GUCY1A2: variants seen among roughly 807,000 people sequenced by gnomAD.
GUCY1A2 encodes the protein guanylate cyclase 1 soluble subunit alpha 2, also known as guanylate cyclase soluble subunit alpha-2.
Under a neutral mutation model 63.5 loss-of-function variants are expected in GUCY1A2, and 27 were observed. The observed-to-expected ratio is 0.43, with a 90% CI of 0.31 to 0.59. The LOEUF is 0.59. Ranked by LOEUF, GUCY1A2 falls within the 20% of genes least tolerant of loss-of-function variation. GUCY1A2 has a pLI of 0.11. For missense variants in GUCY1A2, 768 were observed against 913.3 expected, an observed-to-expected ratio of 0.84 and a Z score of 2.05; for synonymous variants, 364 against 343.5, an observed-to-expected ratio of 1.06 and a Z score of -0.66.
intron 1 of GUCY1A2, among the ~76,000 whole-genome samples, chr11:107,004,195 A>G (rs1174831640): frequency 6.6e-6 from 1 of 152,224 alleles, no homozygotes; most frequent in Non-Finnish European, 1.5e-5. Flanking sequence ...GACGTCCACC[A>G]CATTCACCAA....
chr11:106,986,006 A>G (rs1388395386), intron 2 of GUCY1A2, 64 bp downstream of exon 2: 2 of 851,772 alleles, frequency 2.3e-6, no homozygotes, highest in Non-Finnish European at 2.0e-6. Flanking sequence ...CATACTCAAC[A>G]GCTATGTTTG....
Position 106,684,782 on chromosome 11 carries a change from C to T in GUCY1A2, c.*2767G>A, listed in dbSNP as rs941433094. ...TTCTAAGGGAACATCACACAAATTT[C>T]TTGTATCTGCCATACTAAAATGCAT... is the stretch of plus-strand genomic sequence containing the variant. On this transcript the variant is annotated 3_prime_UTR_variant, in exon 8 of 8. Coordinates refer to ENST00000526355, the MANE Select transcript of GUCY1A2 (RefSeq NM_000855.3). The T allele has an allele frequency of 4.8e-6, 1 of 208,380 alleles. No homozygotes were observed. Among genetic ancestry groups the T allele is most frequent in the African/African-American group, 2.3e-5 (1 of 43,944 alleles). 12.9% of individuals were successfully genotyped at this position (208,380 alleles called of 1,614,324 possible). A position where few individuals can be genotyped will look rare whatever the true frequency, so the allele number is the denominator to read the frequency against.
chr11:106,915,355 G>A (rs558029697), intron 4 of GUCY1A2, among the ~76,000 whole-genome samples: 41 of 152,146 alleles, frequency 2.7e-4, no homozygotes, highest in African/African-American at 9.2e-4. Flanking sequence ...GGGAGGGATT[G>A]GGCATACTCT....
intron 4 of GUCY1A2, among the ~76,000 whole-genome samples, chr11:106,921,288 T>A (rs1411517143): frequency 6.6e-6 from 1 of 152,024 alleles, no homozygotes; most frequent in East Asian, 1.9e-4. Context: ...TGGACCTGAC[T>A]AGAAAAATCC....
At chr11:106,856,160 G>A (rs1298472053) in intron 4 of GUCY1A2, among the ~76,000 whole-genome samples, 1 of 151,378 alleles carries the variant, frequency 6.6e-6, no homozygotes, top group Non-Finnish European at 1.5e-5. Context: ...CATTGTGGTG[G>A]GTGCCTATAA....
chr11:106,968,049 G>A (rs918950358), intron 3 of GUCY1A2, among the ~76,000 whole-genome samples: 25 of 152,192 alleles, frequency 1.6e-4, no homozygotes, highest in African/African-American at 6.0e-4. Flanking sequence ...TAACAGTAGA[G>A]GTGACTTGGT....
At chr11:106,884,882 G>T (rs1009873189) in intron 4 of GUCY1A2, among the ~76,000 whole-genome samples, 2 of 152,008 alleles carry the variant, frequency 1.3e-5, no homozygotes, top group Admixed American at 6.6e-5. Context: ...GAACAATATT[G>T]CTTGGGTTTC....
intron 3 of GUCY1A2, among the ~76,000 whole-genome samples, chr11:106,956,674 T>G (rs1400840245): frequency 6.6e-6 from 1 of 152,192 alleles, no homozygotes; most frequent in East Asian, 1.9e-4. Context: ...CTGGGACCTC[T>G]GACCTCGACA....
chr11:106,783,017 G>C (rs753846838), intron 5 of GUCY1A2, among the ~76,000 whole-genome samples: 2 of 152,072 alleles, frequency 1.3e-5, no homozygotes, highest in Non-Finnish European at 2.9e-5. Context: ...TCCATGGAAC[G>C]CCCATGGGAC....
intron 5 of GUCY1A2, among the ~76,000 whole-genome samples, chr11:106,779,418 A>T (rs962210098): frequency 4.6e-5 from 7 of 152,214 alleles, no homozygotes; most frequent in Non-Finnish European, 8.8e-5. Flanking sequence ...GCTAATCTTC[A>T]CATTATCCCA....
In GUCY1A2 at chr11:106,680,578, T is replaced by C. The variant is rs1008985817; in HGVS notation, c.*6971A>G. On this transcript the variant is annotated 3_prime_UTR_variant, in exon 8 of 8. Coordinates refer to ENST00000526355, the MANE Select transcript of GUCY1A2 (RefSeq NM_000855.3). ...GATAACTTCAGTGTAATTTAATAGA[T>C]TCAAATTAAATATTTTCCATTATTT... is the stretch of plus-strand genomic sequence containing the variant. 5.1e-6 allele frequency: 1 copy of C among 196,276 alleles called. No individual in the cohort carries two copies. The highest frequency in any genetic ancestry group is 1.1e-5 in the Non-Finnish European group (1 of 94,658). 12.2% of individuals were successfully genotyped at this position (196,276 alleles called of 1,614,324 possible).
At chr11:106,754,455 C>T (rs1863937753) in intron 6 of GUCY1A2, among the ~76,000 whole-genome samples, 1 of 152,128 alleles carries the variant, frequency 6.6e-6, no homozygotes, top group Admixed American at 6.5e-5. Context: ...GGAATGCTTC[C>T]AGTTTTTGCC....
intron 4 of GUCY1A2, among the ~76,000 whole-genome samples, chr11:106,850,292 C>G (rs1052812540): frequency 6.6e-6 from 1 of 151,624 alleles, no homozygotes; most frequent in African/African-American, 2.4e-5. Context: ...GGGTAATGAT[C>G]AAATCAGGGT....
At chr11:106,858,273 T>C (rs1000581579) in intron 4 of GUCY1A2, among the ~76,000 whole-genome samples, 3 of 152,166 alleles carry the variant, frequency 2.0e-5, no homozygotes, top group African/African-American at 4.8e-5. Flanking sequence ...TTAAATTCTA[T>C]GAGTTATATA....
chr11:106,901,671 G>A (rs760787002), intron 4 of GUCY1A2, among the ~76,000 whole-genome samples: 2 of 134,042 alleles, frequency 1.5e-5, no homozygotes, highest in Non-Finnish European at 3.0e-5. Context: ...GGTGTGTGAT[G>A]TTCCCCTTCC....
chr11:106,705,997 GTGTT>G (rs1862903439), intron 7 of GUCY1A2, among the ~76,000 whole-genome samples: 1 of 152,062 alleles, frequency 6.6e-6, no homozygotes, highest in Admixed American at 6.6e-5. Context: ...AAAATATAAA[GTGTT>G]TAACTATGGT....
At chr11:106,871,205 A>C (rs538982674) in intron 4 of GUCY1A2, among the ~76,000 whole-genome samples, 1 of 152,312 alleles carries the variant, frequency 6.6e-6, no homozygotes, top group East Asian at 1.9e-4. Flanking sequence ...TCAGAGAAAC[A>C]CAGAAAACCA....
At chr11:106,867,172 T>C (rs1390230318) in intron 4 of GUCY1A2, among the ~76,000 whole-genome samples, 1 of 152,104 alleles carries the variant, frequency 6.6e-6, no homozygotes, top group Non-Finnish European at 1.5e-5. Flanking sequence ...TCTATGTTTA[T>C]TATAAAGATA....
At chr11:106,984,385 A>G (rs1362954572) in intron 2 of GUCY1A2, among the ~76,000 whole-genome samples, 1 of 152,224 alleles carries the variant, frequency 6.6e-6, no homozygotes, top group East Asian at 1.9e-4. Context: ...GACCATGTCT[A>G]CATAGGTAGA....
Sources: allele counts gnomAD v4.1 joint callset (sites outside exome capture counted in the v4.1 genomes callset), GRCh38; gene constraint gnomAD v4.1.1; transcripts MANE v1.5; gene names NCBI Gene and HGNC (gene_info 2026-07-23, HGNC 2026-07-21).